The following SAMTOR variants were observed in gnomAD, a reference collection of about 807,000 sequenced individuals.
The protein encoded by SAMTOR is UPF0532 protein C7orf60.
chr7:112,846,800 T>C, the SAMTOR span, among the ~76,000 whole-genome samples: 41 of 152,354 alleles, frequency 2.7e-4, no homozygotes, highest in Non-Finnish European at 5.1e-4. Context: ...TCTGTTTTTA[T>C]AAGCCACTGT....
the SAMTOR span, among the ~76,000 whole-genome samples, chr7:112,834,818 C>T: frequency 1.3e-5 from 2 of 152,068 alleles, no homozygotes; most frequent in Admixed American, 6.6e-5. Context: ...ATGTGATTCA[C>T]CTCACTCCAT....
chr7:112,890,123 G>A, the SAMTOR span, among the ~76,000 whole-genome samples: 1 of 152,172 alleles, frequency 6.6e-6, no homozygotes, highest in Non-Finnish European at 1.5e-5. Context: ...GGCTGATGGG[G>A]AGGCTATGTG....
the SAMTOR span, among the ~76,000 whole-genome samples, chr7:112,876,425 CTT>C: frequency 6.6e-6 from 1 of 152,124 alleles, no homozygotes; most frequent in Non-Finnish European, 1.5e-5. Context: ...TTCCTTAACT[CTT>C]TTTCTCATTT....
At chr7:112,908,463 T>C in the SAMTOR span, among the ~76,000 whole-genome samples, 14 of 152,158 alleles carry the variant, frequency 9.2e-5, no homozygotes, top group African/African-American at 3.1e-4. Context: ...ATCTTAGGAG[T>C]TGTCAAACTC....
the SAMTOR span, among the ~76,000 whole-genome samples, chr7:112,829,697 T>C: frequency 6.6e-6 from 1 of 152,218 alleles, no homozygotes; most frequent in African/African-American, 2.4e-5. Context: ...CTGAAGTTTT[T>C]GGGTCTTACT....
chr7:112,832,594 T>C, the SAMTOR span: 6 of 1,612,190 alleles, frequency 3.7e-6, no homozygotes, highest in East Asian at 2.2e-5. Context: ...TGCCAACAGT[T>C]AGAAATTCTT....
At chr7:112,931,613 TG>T in the SAMTOR span, among the ~76,000 whole-genome samples, 1 of 152,218 alleles carries the variant, frequency 6.6e-6, no homozygotes, top group Non-Finnish European at 1.5e-5. Flanking sequence ...AAAGGATTTA[TG>T]AACAGCCTTT....
At chr7:112,882,973 C>T in the SAMTOR span, among the ~76,000 whole-genome samples, 1 of 152,116 alleles carries the variant, frequency 6.6e-6, no homozygotes, top group Non-Finnish European at 1.5e-5. Flanking sequence ...CACGTTTAAA[C>T]TGTTATAAAC....
At chr7:112,915,895 C>T in the SAMTOR span, among the ~76,000 whole-genome samples, 2 of 152,136 alleles carry the variant, frequency 1.3e-5, no homozygotes, top group African/African-American at 2.4e-5. Flanking sequence ...AAACACTAAA[C>T]CTGCTTCTTG....
At chr7:112,916,394 C>A in the SAMTOR span, among the ~76,000 whole-genome samples, 1 of 152,106 alleles carries the variant, frequency 6.6e-6, no homozygotes, top group Non-Finnish European at 1.5e-5. Context: ...TTCTTACACC[C>A]CATAAGGAAA....
chr7:112,905,877 AAT>A, the SAMTOR span, among the ~76,000 whole-genome samples: 45 of 152,302 alleles, frequency 3.0e-4, no homozygotes, highest in African/African-American at 1.1e-3. Flanking sequence ...ACAGCTACGT[AAT>A]AGACAAGAGA....
chr7:112,919,107 A>G, the SAMTOR span, among the ~76,000 whole-genome samples: 8 of 152,228 alleles, frequency 5.3e-5, no homozygotes, highest in Non-Finnish European at 8.8e-5. Context: ...CCTAATAGAC[A>G]TCTACAGAAC....
At chr7:112,854,349 G>A in the SAMTOR span, among the ~76,000 whole-genome samples, 1 of 152,040 alleles carries the variant, frequency 6.6e-6, no homozygotes. Context: ...TGGTGATTAG[G>A]AAATAAAAAA....
chr7:112,854,558 T>C, the SAMTOR span, among the ~76,000 whole-genome samples: 1 of 152,212 alleles, frequency 6.6e-6, no homozygotes, highest in Non-Finnish European at 1.5e-5. Context: ...TGAAATAGTC[T>C]TGCAAGAAGC....
chr7:112,820,125 T>A, the SAMTOR span: 1 of 152,528 alleles, frequency 6.6e-6, no homozygotes, highest in Non-Finnish European at 1.5e-5. Context: ...TTTAATCAAC[T>A]GACTTTAAAA....
chr7:112,895,526 A>G, the SAMTOR span: 1 of 1,396,756 alleles, frequency 7.2e-7, no homozygotes, highest in Middle Eastern at 1.9e-4. Context: ...TTTCACATTA[A>G]TACAGTTATC....
chr7:112,833,951 A>C, the SAMTOR span, among the ~76,000 whole-genome samples: 1 of 152,194 alleles, frequency 6.6e-6, no homozygotes, highest in Non-Finnish European at 1.5e-5. Flanking sequence ...TATTTTAGGT[A>C]GTCACTATCC....
At chr7:112,898,102 G>A in the SAMTOR span, among the ~76,000 whole-genome samples, 1 of 152,174 alleles carries the variant, frequency 6.6e-6, no homozygotes, top group African/African-American at 2.4e-5. Context: ...GCCCACAGGG[G>A]GCATTTAGAC....
the SAMTOR span, among the ~76,000 whole-genome samples, chr7:112,862,750 G>GA: frequency 5.9e-5 from 9 of 152,106 alleles, no homozygotes; most frequent in Non-Finnish European, 8.8e-5. Flanking sequence ...CCAACATGGG[G>GA]AAACCCTGTC....
Sources: gnomAD v4.1 joint callset for allele counts (sites outside exome capture counted in the v4.1 genomes callset) on GRCh38, gnomAD v4.1.1 for gene constraint, MANE v1.5 for transcripts, NCBI Gene and HGNC (gene_info 2026-07-23, HGNC 2026-07-21) for gene names.